COL21A1: variants seen among roughly 807,000 people sequenced by gnomAD.
COL21A1 encodes the protein collagen alpha-1(XXI) chain.
A neutral mutation model predicts 137.9 loss-of-function variants in COL21A1; 149 were observed. That is an observed-to-expected ratio of 1.08 (90% CI 0.95 to 1.24). The LOEUF (loss-of-function observed/expected upper bound fraction) is 1.24. COL21A1 is among the 50% of genes most tolerant of loss of function. The probability of loss-of-function intolerance (pLI) is 0.00; values close to 1 mark genes in which losing one functional copy is unlikely to be tolerated. For missense variants in COL21A1, 1,167 were observed against 1,158.4 expected, an observed-to-expected ratio of 1.01 and a Z score of -0.11; for synonymous variants, 456 against 391.5, an observed-to-expected ratio of 1.16 and a Z score of -1.95.
intron 3 of COL21A1, among the ~76,000 whole-genome samples, chr6:56,171,952 A>G (rs1777095151): frequency 1.3e-5 from 2 of 152,040 alleles, no homozygotes; most frequent in South Asian, 2.1e-4. Flanking sequence ...ATAATTGGTC[A>G]TTTGAAATTA....
intron 12 of COL21A1, among the ~76,000 whole-genome samples, chr6:56,140,963 T>A (rs1056331157): frequency 9.8e-5 from 15 of 152,322 alleles, no homozygotes; most frequent in East Asian, 5.8e-4. Context: ...GCAGTCAGCA[T>A]AAGATGCCAC....
chr6:56,292,839 A>G (rs766086061), intron 1 of COL21A1, among the ~76,000 whole-genome samples: 12 of 152,220 alleles, frequency 7.9e-5, no homozygotes, highest in Non-Finnish European at 1.8e-4. Flanking sequence ...AAAGTCTAGT[A>G]TTTTGAATTT....
chr6:56,106,714 C>T (rs905375805), intron 16 of COL21A1, among the ~76,000 whole-genome samples: 5 of 152,006 alleles, frequency 3.3e-5, no homozygotes, highest in Admixed American at 6.6e-5. Flanking sequence ...AAAAACTTTT[C>T]ATATTTTCCT....
intron 17 of COL21A1, among the ~76,000 whole-genome samples, chr6:56,092,361 C>T (rs979602415): frequency 1.6e-4 from 25 of 152,002 alleles, no homozygotes; most frequent in Non-Finnish European, 2.8e-4. Context: ...TCCTTTTTTA[C>T]GCATACATAT....
chr6:56,157,340 T>C (rs1288014715), intron 9 of COL21A1, among the ~76,000 whole-genome samples: 2 of 149,224 alleles, frequency 1.3e-5, no homozygotes, highest in East Asian at 3.9e-4. Context: ...AGATGGAGTC[T>C]TGCTCTGTCA....
chr6:56,192,026 G>A, intron 1 of COL21A1, among the ~76,000 whole-genome samples: 1 of 152,062 alleles, frequency 6.6e-6, no homozygotes, highest in East Asian at 1.9e-4. Flanking sequence ...GAACAGAACA[G>A]AGGCCTCAGA....
chr6:56,271,665 C>T (rs1380399706), intron 1 of COL21A1, among the ~76,000 whole-genome samples: 1 of 152,234 alleles, frequency 6.6e-6, no homozygotes, highest in Non-Finnish European at 1.5e-5. Context: ...ACCTTCACAG[C>T]AGCCCCTCCA....
At chr6:56,382,594 T>C (rs1463334197) in intron 1 of COL21A1, among the ~76,000 whole-genome samples, 1 of 152,044 alleles carries the variant, frequency 6.6e-6, no homozygotes, top group Non-Finnish European at 1.5e-5. Context: ...GAGGCAGTAA[T>C]CTGATAGGAT....
chr6:56,097,908 T>A lies in COL21A1; in HGVS notation c.1812+3564A>T, dbSNP rs1467449739. On this transcript the variant is annotated intron_variant, in intron 17 of 29. Transcript: ENST00000244728. The stretch of plus-strand genomic sequence containing the variant: ...AAATATATATAAATATATAAATATA[T>A]AAATATATATAAATATATAAATATA... Among the ~76,000 whole-genome samples the A allele has an allele frequency of 1.1e-4, 11 of 96,928 alleles. 1 individual carries two copies. Among genetic ancestry groups the A allele is most frequent in the African/African-American group, 1.7e-4 (4 of 23,448 alleles). The allele number at this position is 96,928 out of a possible 152,430, so 63.6% of individuals were successfully genotyped here. A position where few individuals can be genotyped will look rare whatever the true frequency, so the allele number is the denominator to read the frequency against.
At chr6:56,332,885 T>C (rs954485599) in intron 1 of COL21A1, among the ~76,000 whole-genome samples, 2 of 152,132 alleles carry the variant, frequency 1.3e-5, no homozygotes, top group East Asian at 1.9e-4. Flanking sequence ...CCAACTACTT[T>C]GTAAAAACTC....
At chr6:56,130,465 AT>A (rs1411699210) in intron 12 of COL21A1, among the ~76,000 whole-genome samples, 20 of 152,000 alleles carry the variant, frequency 1.3e-4, no homozygotes, top group African/African-American at 4.8e-4. Context: ...TGGGTAATGA[AT>A]GTTTAATAAA....
At chr6:56,373,865 T>G (rs2093994424) in intron 1 of COL21A1, among the ~76,000 whole-genome samples, 1 of 152,184 alleles carries the variant, frequency 6.6e-6, no homozygotes, top group Non-Finnish European at 1.5e-5. Context: ...GTAACGGAAA[T>G]TGTATATCCT....
chr6:56,387,346 A>G (rs1449188509), intron 1 of COL21A1, among the ~76,000 whole-genome samples: 1 of 152,194 alleles, frequency 6.6e-6, no homozygotes, highest in Non-Finnish European at 1.5e-5. Flanking sequence ...AAGTCTGTGC[A>G]AGAGGAGGAC....
rs1190255717 is a variant in COL21A1 at position 56,170,575 on chromosome 6, TC to T, written c.1026+73del. 3.2e-6 allele frequency: 3 copies of T among 938,880 alleles called. No homozygotes were observed. In the Admixed American group the frequency reaches 8.5e-5, roughly 27 times the overall value. The allele number at this position is 938,880 out of a possible 1,614,324, so 58.2% of individuals were successfully genotyped here. A position where few individuals can be genotyped will look rare whatever the true frequency, so the allele number is the denominator to read the frequency against. On this transcript the variant is annotated intron_variant, in intron 5 of 29. Transcript: ENST00000244728. ...TCATGTTAAAATTATAGCCCTCTTT[TC>T]CCCAACACACATAAACCCAATAGTG...
At chr6:56,218,246 TC>T (rs1211774955) in intron 1 of COL21A1, among the ~76,000 whole-genome samples, 2 of 151,836 alleles carry the variant, frequency 1.3e-5, no homozygotes, top group Non-Finnish European at 2.9e-5. Context: ...TATTCAATAC[TC>T]AGAACTGTCC....
At chr6:56,079,757 A>C (rs1767585532) in intron 17 of COL21A1, among the ~76,000 whole-genome samples, 1 of 151,624 alleles carries the variant, frequency 6.6e-6, no homozygotes, top group African/African-American at 2.4e-5. Context: ...AACTGGCCAA[A>C]AATTTACATA....
chr6:56,198,798 A>G (rs1779196857), intron 1 of COL21A1, among the ~76,000 whole-genome samples: 1 of 152,258 alleles, frequency 6.6e-6, no homozygotes, highest in South Asian at 2.1e-4. Context: ...TAGTTTTCCA[A>G]AAGCTTTAGA....
intron 1 of COL21A1, among the ~76,000 whole-genome samples, chr6:56,306,950 C>A (rs1265955264): frequency 1.3e-5 from 2 of 152,130 alleles, no homozygotes; most frequent in Non-Finnish European, 2.9e-5. Flanking sequence ...CAGTCAGAAC[C>A]CTTAGCTGCA....
intron 1 of COL21A1, among the ~76,000 whole-genome samples, chr6:56,391,325 A>G (rs2094029216): frequency 6.6e-6 from 1 of 152,126 alleles, no homozygotes; most frequent in Non-Finnish European, 1.5e-5. Flanking sequence ...GTGTATAACA[A>G]TAGACACTTC....
Sources: gnomAD v4.1 joint callset for allele counts (sites outside exome capture counted in the v4.1 genomes callset) on GRCh38, gnomAD v4.1.1 for gene constraint, MANE v1.5 for transcripts, NCBI Gene and HGNC (gene_info 2026-07-23, HGNC 2026-07-21) for gene names.